Variants in MACF1 observed in about 807,000 individuals in gnomAD.
MACF1 encodes microtubule-actin cross-linking factor 1.
MACF1 carries 193 observed loss-of-function variants against 854.8 expected under a neutral mutation model. The ratio of observed to expected loss-of-function variants is 0.23; its 90% CI spans 0.20 to 0.25. The LOEUF (loss-of-function observed/expected upper bound fraction) is 0.25, where lower values mean the gene tolerates loss of function less well. Ranked by LOEUF, MACF1 falls within the 10% of genes least tolerant of loss-of-function variation. The pLI is 1.00. For synonymous variants in MACF1, 3,185 were observed against 3,226.7 expected, an observed-to-expected ratio of 0.99 and a Z score of 0.44; for missense variants, 7,722 against 8,929.1, an observed-to-expected ratio of 0.86 and a Z score of 5.45.
At position 39,295,089 on chromosome 1, in the gene MACF1, C is replaced by T. The variant is rs1430903111; in HGVS notation, c.2198C>T (p.Ser733Phe). 15 of 1,614,008 alleles carry T rather than the reference C, an allele frequency of 9.3e-6. No homozygotes were observed. Among genetic ancestry groups the T allele is most frequent in the Non-Finnish European group, 1.2e-5 (14 of 1,179,962 alleles). ...ELEEKQDVFR[S>F]LQDTAELLSL... ...GAGGAGAAACAGGATGTGTTTCGTT[C>T]TCTACAAGATACAGCAGAACTACTT... Residue 733 changes from serine to phenylalanine, a missense_variant, in exon 19 of 101, where the codon TCT becomes TTT. Physicochemically the swap from Ser to Phe is radical, Grantham distance 155. Coordinates refer to ENST00000564288, the MANE Select transcript of MACF1 (RefSeq NM_001394062.1).
intron 15 of MACF1, 41 bp from the exon 16 acceptor site, chr1:39,291,869 C>T: frequency 6.3e-7 from 1 of 1,589,220 alleles, no homozygotes; most frequent in Admixed American, 1.7e-5. Context: ...CCTACCAAGC[C>T]AGCAGTAAAT....
chr1:39,437,257 T>TGC (rs36121387), intron 70 of MACF1, among the ~76,000 whole-genome samples: 4 of 149,782 alleles, frequency 2.7e-5, no homozygotes, highest in African/African-American at 9.9e-5. Context: ...TTTTTTTTTT[T>TGC]TAATGGGCCA....
chr1:39,327,454 C>A, intron 36 of MACF1, 101 bp downstream of exon 36: 1 of 1,245,888 alleles, frequency 8.0e-7, no homozygotes, highest in Non-Finnish European at 1.1e-6. Flanking sequence ...TTTCCATGAC[C>A]AATGTGACTT....
At chr1:39,296,640 GAA>G (rs1645905833) in intron 20 of MACF1, among the ~76,000 whole-genome samples, 1 of 151,562 alleles carries the variant, frequency 6.6e-6, no homozygotes, top group African/African-American at 2.4e-5. Context: ...TGAGGCAGGA[GAA>G]TTACTTGAAC....
intron 2 of MACF1, among the ~76,000 whole-genome samples, chr1:39,085,890 C>T (rs1459586461): frequency 6.6e-6 from 1 of 152,158 alleles, no homozygotes; most frequent in Non-Finnish European, 1.5e-5. Context: ...GATGAAACCA[C>T]CACACTTTAA....
At chr1:39,483,484 A>G (rs1645053007) in intron 99 of MACF1, among the ~76,000 whole-genome samples, 3 of 152,326 alleles carry the variant, frequency 2.0e-5, no homozygotes, top group South Asian at 4.1e-4. Context: ...ACAACAGTCC[A>G]GGCAAAATGA....
chr1:39,169,590 G>A (rs556258235), intron 2 of MACF1, among the ~76,000 whole-genome samples: 24 of 145,982 alleles, frequency 1.6e-4, no homozygotes, highest in African/African-American at 6.1e-4. Context: ...TGGGGACAGA[G>A]CAAGACCCTG....
chr1:39,445,340 G>A (rs941502709), intron 80 of MACF1, among the ~76,000 whole-genome samples: 1 of 152,206 alleles, frequency 6.6e-6, no homozygotes, highest in African/African-American at 2.4e-5. Context: ...TAGGGATCAA[G>A]GTGTTTGCCC....
intron 90 of MACF1, 189 bp downstream of exon 90, chr1:39,458,679 G>A: frequency 1.5e-6 from 1 of 665,670 alleles, no homozygotes; most frequent in Non-Finnish European, 2.4e-6. Flanking sequence ...ATATTCTTTG[G>A]TATGATTGGT....
rs1264758536 is a variant in MACF1, at chr1:39,105,831, C to T, written c.220+21393C>T. The T allele has an allele frequency of 1.2e-6, 1 of 853,470 alleles. No individual in the cohort carries two copies. The highest frequency in any genetic ancestry group is 1.8e-5 in the African/African-American group (1 of 54,390). The allele number at this position is 853,470 out of a possible 1,614,324, so 52.9% of individuals were successfully genotyped here. A position where few individuals can be genotyped will look rare whatever the true frequency, so the allele number is the denominator to read the frequency against. Reference sequence around the variant, plus strand: ...CGGCCGGGCGGGGTCGCACCCACCGCGCGGGGCTTGGCCCTGAGCTGCTGC... The same window carrying T: ...CGGCCGGGCGGGGTCGCACCCACCGTGCGGGGCTTGGCCCTGAGCTGCTGC... On this transcript the variant is annotated intron_variant, in intron 2 of 93. Transcript: ENST00000361689. This position sits in a 1 kb window ranked among gnomAD's most constrained non-coding sequence, Gnocchi z 5.9.
intron 93 of MACF1, 135 bp from the exon 94 acceptor site, chr1:39,463,477 C>T (rs558689028): frequency 1.0e-4 from 59 of 571,170 alleles, no homozygotes; most frequent in South Asian, 9.4e-4. Context: ...GCAACAAGAG[C>T]GAAACTCCAT....
intron 54 of MACF1, 86 bp from the exon 55 acceptor site, chr1:39,380,158 G>T (rs1650052756): frequency 7.2e-7 from 1 of 1,387,180 alleles, no homozygotes; most frequent in Non-Finnish European, 1.0e-6. Flanking sequence ...TATAATAACT[G>T]CCCAGTTTTC....
intron 2 of MACF1, among the ~76,000 whole-genome samples, chr1:39,126,492 A>G (rs1642863374): frequency 1.3e-5 from 2 of 152,180 alleles, no homozygotes; most frequent in African/African-American, 2.4e-5. Flanking sequence ...TTCATCCTAT[A>G]ACAAATGGTT....
At chr1:39,196,659 A>G (rs534752731) in intron 2 of MACF1, among the ~76,000 whole-genome samples, 1 of 152,146 alleles carries the variant, frequency 6.6e-6, no homozygotes, top group East Asian at 1.9e-4. Context: ...ATTTTTCTAG[A>G]TTTGGCTTTT....
At chr1:39,260,378 T>C (rs915635872) in intron 6 of MACF1, 13 of 151,976 alleles carry the variant, frequency 8.6e-5, no homozygotes, top group African/African-American at 2.9e-4. Context: ...TTTTTTTTTT[T>C]TTTTGAAGCA....
At position 39,327,307 on chromosome 1, in the gene MACF1, A is replaced by T. The variant is rs1007267379; in HGVS notation, c.4568A>T (p.Gln1523Leu). The T allele has an allele frequency of 4.4e-6, 7 of 1,606,778 alleles. No individual in the cohort carries two copies. The highest frequency in any genetic ancestry group is 6.0e-6 in the Non-Finnish European group (7 of 1,174,148). ...GACCTTTGTGATGGTTCTGCAAATC[A>T]GCTTCAGCAGCTTCAGAGCCAGTTG... is the stretch of plus-strand genomic sequence containing the variant. ...YHDLCDGSANQLQQLQSQLAH... is the reference protein window; with the variant it reads ...YHDLCDGSANLLQQLQSQLAH... Residue 1523 changes from glutamine to leucine, a missense_variant, in exon 36 of 101, where the codon CAG becomes CTG. By Grantham distance (113) the Gln-to-Leu change is moderately radical. Transcript: ENST00000564288.
In MACF1 at chr1:39,295,116, C is replaced by T. The variant is rs928836986; in HGVS notation, c.2225C>T (p.Ser742Leu). The T allele has an allele frequency of 1.9e-6, 3 of 1,613,932 alleles. No individual in the cohort carries two copies. The highest frequency in any genetic ancestry group is 2.5e-6 in the Non-Finnish European group (3 of 1,179,982). The change falls in exon 19 of 101, where the codon TCA (serine) becomes TTA (leucine). Residue 742 changes from serine to leucine, a missense_variant. Physicochemically the swap from Ser to Leu is moderately radical, Grantham distance 145. This residue lies in a region of MACF1 where 1,137 missense variants were observed against 1,263.0 expected (regional missense o/e 0.90). Coordinates refer to ENST00000564288, the MANE Select transcript of MACF1 (RefSeq NM_001394062.1). ...CTACAAGATACAGCAGAACTACTTT[C>T]ACTTGAGAACCACCCAGCCAAGCAG... Reference protein sequence around the residue: ...RSLQDTAELLSLENHPAKQTV... With the variant: ...RSLQDTAELLLLENHPAKQTV...
intron 41 of MACF1, among the ~76,000 whole-genome samples, chr1:39,348,541 C>T (rs1471995891): frequency 1.3e-5 from 2 of 152,190 alleles, no homozygotes; most frequent in Non-Finnish European, 2.9e-5. Flanking sequence ...CATCCTAACC[C>T]ATGAAGATCC....
At chr1:39,256,716 G>A (rs1645100817) in intron 5 of MACF1, among the ~76,000 whole-genome samples, 1 of 152,138 alleles carries the variant, frequency 6.6e-6, no homozygotes, top group African/African-American at 2.4e-5. Flanking sequence ...AAGAGGGTGT[G>A]TCAGGGCACA....
Sources: gnomAD v4.1 joint callset for allele counts (sites outside exome capture counted in the v4.1 genomes callset) on GRCh38, gnomAD v4.1.1 for gene constraint, gnomAD v4.1.1 regional missense constraint, Gnocchi (gnomAD v3.1) non-coding constraint, MANE v1.5 for transcripts, NCBI Gene and HGNC (gene_info 2026-07-23, HGNC 2026-07-21) for gene names.